Variants in ARB2A observed in about 807,000 individuals in gnomAD.
The protein encoded by ARB2A is ARB2 cotranscriptional regulator A, also known as cotranscriptional regulator ARB2A.
At chr5:94,080,447 T>C in the ARB2A span, among the ~76,000 whole-genome samples, 1 of 152,332 alleles carries the variant, frequency 6.6e-6, no homozygotes, top group Non-Finnish European at 1.5e-5. Context: ...GAATCTCTGT[T>C]AAACTTAGTG....
chr5:93,951,040 C>T, the ARB2A span, among the ~76,000 whole-genome samples: 1 of 151,714 alleles, frequency 6.6e-6, no homozygotes, highest in Non-Finnish European at 1.5e-5. Context: ...AGTGAGATGA[C>T]ATGTCATTGT....
chr5:93,808,596 T>C, the ARB2A span, among the ~76,000 whole-genome samples: 1 of 151,958 alleles, frequency 6.6e-6, no homozygotes, highest in Admixed American at 6.6e-5. Flanking sequence ...AAGTTAATGT[T>C]TGTATCTCCA....
At chr5:94,098,598 C>G in the ARB2A span, among the ~76,000 whole-genome samples, 1 of 151,990 alleles carries the variant, frequency 6.6e-6, no homozygotes, top group African/African-American at 2.4e-5. Context: ...AGCAAATCAA[C>G]CCCAAAGCTA....
chr5:93,995,772 A>G, the ARB2A span, among the ~76,000 whole-genome samples: 1 of 152,196 alleles, frequency 6.6e-6, no homozygotes, highest in Non-Finnish European at 1.5e-5. Flanking sequence ...TGTGCACTTA[A>G]AAGTTTGACA....
the ARB2A span, among the ~76,000 whole-genome samples, chr5:93,972,388 A>C: frequency 6.6e-6 from 1 of 152,072 alleles, no homozygotes; most frequent in Non-Finnish European, 1.5e-5. Flanking sequence ...AATCAATCAC[A>C]AACAATACAC....
the ARB2A span, among the ~76,000 whole-genome samples, chr5:94,073,453 C>T: frequency 6.6e-6 from 1 of 151,964 alleles, no homozygotes; most frequent in Admixed American, 6.6e-5. Context: ...AGAAGGAAAA[C>T]CTTGAATTTG....
the ARB2A span, among the ~76,000 whole-genome samples, chr5:93,955,543 G>A: frequency 6.1e-4 from 93 of 152,316 alleles, 1 homozygote; most frequent in Non-Finnish European, 1.0e-3. Flanking sequence ...TCCTAGTGAA[G>A]TAATCAGAAA....
At chr5:93,642,713 G>T in the ARB2A span, among the ~76,000 whole-genome samples, 2 of 152,000 alleles carry the variant, frequency 1.3e-5, no homozygotes, top group Non-Finnish European at 2.9e-5. Flanking sequence ...TAGAGACAAG[G>T]TCTTGCTATG....
At chr5:94,003,274 T>C in the ARB2A span, among the ~76,000 whole-genome samples, 1 of 152,164 alleles carries the variant, frequency 6.6e-6, no homozygotes. Context: ...AGACTAAATG[T>C]TTTATTCTTA....
chr5:93,792,905 G>A, the ARB2A span, among the ~76,000 whole-genome samples: 1 of 151,700 alleles, frequency 6.6e-6, no homozygotes, highest in South Asian at 2.1e-4. Context: ...CATATTCTGA[G>A]TATTTATATA....
the ARB2A span, among the ~76,000 whole-genome samples, chr5:93,689,299 C>G: frequency 6.6e-6 from 1 of 152,178 alleles, no homozygotes; most frequent in Admixed American, 6.5e-5. Context: ...TTTTCAAGAG[C>G]AGGGGCTGTA....
the ARB2A span, among the ~76,000 whole-genome samples, chr5:93,882,471 C>G: frequency 4.1e-4 from 61 of 150,346 alleles, no homozygotes; most frequent in African/African-American, 1.4e-3. Context: ...GCTTGTTGAG[C>G]TATTAAGGCT....
At chr5:94,070,059 G>C in the ARB2A span, among the ~76,000 whole-genome samples, 1 of 152,044 alleles carries the variant, frequency 6.6e-6, no homozygotes, top group African/African-American at 2.4e-5. Flanking sequence ...CAGATGAATG[G>C]ATAAAGAAAA....
the ARB2A span, among the ~76,000 whole-genome samples, chr5:93,812,447 A>G: frequency 6.6e-6 from 1 of 152,144 alleles, no homozygotes; most frequent in Non-Finnish European, 1.5e-5. Context: ...AACCTTTAGA[A>G]AATCAACATT....
At chr5:94,059,702 T>C in the ARB2A span, among the ~76,000 whole-genome samples, 2 of 151,190 alleles carry the variant, frequency 1.3e-5, no homozygotes, top group East Asian at 1.9e-4. Context: ...AAAAGACTTT[T>C]CAGGAGCTAT....
chr5:93,631,294 T>C, the ARB2A span, among the ~76,000 whole-genome samples: 8 of 152,204 alleles, frequency 5.3e-5, no homozygotes, highest in Non-Finnish European at 1.2e-4. Context: ...AAAAAATGTA[T>C]GCATTTTTGT....
the ARB2A span, chr5:93,881,245 CAG>C: frequency 2.8e-6 from 1 of 355,572 alleles, no homozygotes; most frequent in Non-Finnish European, 5.1e-6. Flanking sequence ...CAAAAGGAAA[CAG>C]AATTTGCATT....
chr5:93,814,646 C>T, the ARB2A span, among the ~76,000 whole-genome samples: 2 of 152,134 alleles, frequency 1.3e-5, no homozygotes, highest in Non-Finnish European at 2.9e-5. Context: ...ATATTATTCT[C>T]TTTGTTTAAA....
chr5:93,713,554 T>C, the ARB2A span, among the ~76,000 whole-genome samples: 1 of 152,194 alleles, frequency 6.6e-6, no homozygotes, highest in Non-Finnish European at 1.5e-5. Context: ...CAGACAATAA[T>C]GAATTTTGAC....
Sources: allele counts gnomAD v4.1 joint callset (sites outside exome capture counted in the v4.1 genomes callset), GRCh38; gene constraint gnomAD v4.1.1; transcripts MANE v1.5; gene names NCBI Gene and HGNC (gene_info 2026-07-23, HGNC 2026-07-21).